Variants in MLLT6 observed in about 807,000 individuals in gnomAD.
MLLT6 encodes the protein protein AF-17.
MLLT6 carries 22 observed loss-of-function variants against 103.0 expected under a neutral mutation model. That is an observed-to-expected ratio of 0.21 (90% confidence interval 0.15 to 0.31). The LOEUF (loss-of-function observed/expected upper bound fraction) is 0.31, where lower values mean the gene tolerates loss of function less well. Ranked by LOEUF, MLLT6 falls within the 10% of genes least tolerant of loss-of-function variation. The probability of loss-of-function intolerance (pLI) is 1.00; values close to 1 mark genes in which losing one functional copy is unlikely to be tolerated. For missense variants in MLLT6, 1,199 were observed against 1,441.7 expected, an observed-to-expected ratio of 0.83 and a Z score of 2.73; for synonymous variants, 606 against 623.5, an observed-to-expected ratio of 0.97 and a Z score of 0.42.
Position 38,726,999 on chromosome 17 carries a change from G to A in MLLT6, c.*1401G>A, listed in dbSNP as rs1906068992. On this transcript the variant is annotated 3_prime_UTR_variant, in exon 20 of 20. Transcript: ENST00000621332. ...AGAGGCGAGAGGCAAGGCGAAGCCTGTGTCCCTGTTTCAGTTGCACTGGGG... is the reference window on the plus strand; with the variant it reads ...AGAGGCGAGAGGCAAGGCGAAGCCTATGTCCCTGTTTCAGTTGCACTGGGG... 1 of 233,688 alleles carries A rather than the reference G, an allele frequency of 4.3e-6. No individual in the cohort carries two copies. The highest frequency in any genetic ancestry group is 8.5e-6 in the Non-Finnish European group (1 of 118,092). The allele number at this position is 233,688 out of a possible 1,614,324, so 14.5% of individuals were successfully genotyped here. A position where few individuals can be genotyped will look rare whatever the true frequency, so the allele number is the denominator to read the frequency against.
chr17:38,715,715 T>A lies in MLLT6; in HGVS notation c.923T>A (p.Leu308Gln), dbSNP rs1905308434. Residue 308 changes from leucine to glutamine, a missense_variant, in exon 9 of 20, where the codon CTG becomes CAG. Coordinates refer to ENST00000621332, the MANE Select transcript of MLLT6 (RefSeq NM_005937.4). ...GGGAAAAAGTCTTCCAGCCATAGCC[T>A]GAGTCATAAAGGGAAGAAACTGAGC... is the stretch of plus-strand genomic sequence containing the variant. Reference protein sequence around the residue: ...SKGKKSSSHSLSHKGKKLSSG... With the variant: ...SKGKKSSSHSQSHKGKKLSSG... 1 of 1,614,062 alleles carries A rather than the reference T, an allele frequency of 6.2e-7. No homozygotes were observed. The highest frequency in any genetic ancestry group is 1.3e-5 in the African/African-American group (1 of 74,920).
In MLLT6 at chr17:38,716,956, C is replaced by T; in HGVS notation, c.1626C>T (p.Ser542=). 6.2e-7 allele frequency: 1 copy of T among 1,613,640 alleles called. No homozygotes were observed. The highest frequency in any genetic ancestry group is 8.5e-7 in the Non-Finnish European group (1 of 1,179,964). Reference sequence around the variant, plus strand: ...CTTCTGGGAGCTTGCCCAGCTTGAGCCTGGAGTCCCCCTTACTAGGGGCAG... The same window carrying T: ...CTTCTGGGAGCTTGCCCAGCTTGAGTCTGGAGTCCCCCTTACTAGGGGCAG... ...FGPSGSLPSL[S]LESPLLGAGI... Residue 542 remains serine (S), a synonymous_variant, in exon 10 of 20, where the codon AGC becomes AGT. Transcript: ENST00000621332. The surrounding 1 kb of genome is among the most constrained non-coding windows in gnomAD (Gnocchi z 5.6).
chr17:38,707,367 A>T, intron 2 of MLLT6, 119 bp from the exon 3 acceptor site: 1 of 869,920 alleles, frequency 1.1e-6, no homozygotes, highest in Non-Finnish European at 1.8e-6. Context: ...TCCTGTTTCC[A>T]CTGTAGCCCC....
intron 12 of MLLT6, chr17:38,719,213 T>G (rs1488525548): frequency 2.1e-6 from 1 of 465,280 alleles, no homozygotes; most frequent in African/African-American, 2.0e-5. Context: ...AGGTCTGTCT[T>G]GACCTCAAAT....
rs1258031013 is a variant in MLLT6, at chr17:38,726,520, A to C, written c.*922A>C. ...CCCAGCTCTTATTTGCACCCTCCCC[A>C]CCTCACCAACTTTGGTCCCTCTCTG... On this transcript the variant is annotated 3_prime_UTR_variant, in exon 20 of 20. Coordinates refer to ENST00000621332, the MANE Select transcript of MLLT6 (RefSeq NM_005937.4). The C allele has an allele frequency of 1.3e-5, 3 of 233,454 alleles. No individual in the cohort carries two copies. Among genetic ancestry groups the C allele is most frequent in the Non-Finnish European group, 2.5e-5 (3 of 118,028 alleles). 14.5% of individuals were successfully genotyped at this position (233,454 alleles called of 1,614,324 possible).
chr17:38,720,990 C>T (rs1905701693), intron 16 of MLLT6: 2 of 577,536 alleles, frequency 3.5e-6, no homozygotes, highest in Non-Finnish European at 6.2e-6. Flanking sequence ...CTACCCCAAG[C>T]AAAGAAGGAG....
At chr17:38,714,988 T>C (rs188947233) in intron 8 of MLLT6, among the ~76,000 whole-genome samples, 49 of 152,286 alleles carry the variant, frequency 3.2e-4, no homozygotes, top group African/African-American at 1.1e-3. Flanking sequence ...CTGAGGTATT[T>C]AGGGAGGCTT....
Position 38,717,825 on chromosome 17 carries a change from A to G in MLLT6, c.1834-20A>G. 2.5e-5 allele frequency: 36 copies of G among 1,448,134 alleles called. No homozygotes were observed. Among genetic ancestry groups the G allele is most frequent in the Non-Finnish European group, 3.4e-5 (35 of 1,029,774 alleles). The allele number at this position is 1,448,134 out of a possible 1,614,324, so 89.7% of individuals were successfully genotyped here. A position where few individuals can be genotyped will look rare whatever the true frequency, so the allele number is the denominator to read the frequency against. On this transcript the variant is annotated intron_variant, in intron 11 of 19. Coordinates refer to ENST00000621332, the MANE Select transcript of MLLT6 (RefSeq NM_005937.4). ...TAGATCCAAGAATAACCGCCAGGGG[A>G]TTCTACCTCCCTCCCTTAGGTGTTT...
intron 16 of MLLT6, 118 bp from the exon 17 acceptor site, chr17:38,721,760 G>T (rs951044874): frequency 2.4e-5 from 15 of 620,934 alleles, no homozygotes; most frequent in African/African-American, 9.8e-5. Context: ...CTTCTTCCAG[G>T]GTGCCTGGGG....
rs938732404 is a variant in MLLT6 at position 38,729,207 on chromosome 17, A to G, written c.*3609A>G. 1 of 232,988 alleles carries G rather than the reference A, an allele frequency of 4.3e-6. No homozygotes were observed. The highest frequency in any genetic ancestry group is 2.2e-5 in the African/African-American group (1 of 45,300). 14.4% of individuals were successfully genotyped at this position (232,988 alleles called of 1,614,324 possible). On this transcript the variant is annotated 3_prime_UTR_variant, in exon 20 of 20. Coordinates refer to ENST00000621332, the MANE Select transcript of MLLT6 (RefSeq NM_005937.4). The stretch of plus-strand genomic sequence containing the variant: ...CTTCTAGGATCTTCCTTGGTGTGCA[A>G]TGGGCCAGTTAGGGGTAGGCAGCTT...
Position 38,707,694 on chromosome 17 carries a change from C to T in MLLT6, c.245-69C>T, listed in dbSNP as rs964335391. 4.1e-4 allele frequency: 498 copies of T among 1,221,214 alleles called. 2 individuals carry two copies. Among genetic ancestry groups the T allele is most frequent in the Non-Finnish European group, 2.0e-4 (168 of 831,020 alleles). 75.6% of individuals were successfully genotyped at this position (1,221,214 alleles called of 1,614,324 possible). A position where few individuals can be genotyped will look rare whatever the true frequency, so the allele number is the denominator to read the frequency against. On this transcript the variant is annotated intron_variant, in intron 3 of 19. Transcript: ENST00000621332. ...CTGTGGAGGAGGGAACAGTCTGCAG[C>T]GTGGGGTCATAAGGGGTGGAGTCTC... is the stretch of plus-strand genomic sequence containing the variant.
In MLLT6 at chr17:38,715,577, C is replaced by A. The variant is rs766725215; in HGVS notation, c.820-35C>A. ...ATCAGGATCAGCACAGGCCCAGGCA[C>A]CTGGTGTTGAACCTTCCTCTCTCCT... is the stretch of plus-strand genomic sequence containing the variant. On this transcript the variant is annotated intron_variant, in intron 8 of 19. Coordinates refer to ENST00000621332, the MANE Select transcript of MLLT6 (RefSeq NM_005937.4). The A allele has an allele frequency of 1.9e-6, 3 of 1,581,340 alleles. No homozygotes were observed. The Admixed American group carries it at 5.2e-5, about 27-fold the overall frequency.
chr17:38,712,825 G>A, intron 8 of MLLT6, 36 bp downstream of exon 8: 1 of 1,511,962 alleles, frequency 6.6e-7, no homozygotes, highest in Non-Finnish European at 9.2e-7. Context: ...ATGGTGTGTG[G>A]GTCTGGGGTG....
Position 38,728,670 on chromosome 17 carries a change from T to G in MLLT6, c.*3072T>G. On this transcript the variant is annotated 3_prime_UTR_variant, in exon 20 of 20. Transcript: ENST00000621332. The stretch of plus-strand genomic sequence containing the variant: ...TGACAGCTCCAAGCCTAGAAGGGGC[T>G]CAGTGACAGGGCCAGGACAAGCCCT... 4.3e-6 allele frequency: 1 copy of G among 233,894 alleles called. No homozygotes were observed. Among genetic ancestry groups the G allele is most frequent in the Non-Finnish European group, 8.5e-6 (1 of 118,182 alleles). The allele number at this position is 233,894 out of a possible 1,614,324, so 14.5% of individuals were successfully genotyped here.
chr17:38,710,809 A>C (rs1395253222), intron 6 of MLLT6, among the ~76,000 whole-genome samples: 7 of 152,152 alleles, frequency 4.6e-5, no homozygotes, highest in Non-Finnish European at 1.0e-4. Flanking sequence ...GAAAGTGTCC[A>C]GGTTTGGATC....
rs1370487354 is a variant in MLLT6 at position 38,725,654 on chromosome 17, G to A, written c.*56G>A. 4.8e-6 allele frequency: 7 copies of A among 1,458,464 alleles called. No homozygotes were observed. Among genetic ancestry groups the A allele is most frequent in the Non-Finnish European group, 6.5e-6 (7 of 1,071,728 alleles). The allele number at this position is 1,458,464 out of a possible 1,614,324, so 90.3% of individuals were successfully genotyped here. On this transcript the variant is annotated 3_prime_UTR_variant, in exon 20 of 20. Coordinates refer to ENST00000621332, the MANE Select transcript of MLLT6 (RefSeq NM_005937.4). ...GTGGAGGGAACAGATCCTGGCCTGA[G>A]GGGTCCTAGCCTGGAGCAGGCGCCT...
Position 38,727,108 on chromosome 17 carries a change from T to A in MLLT6, c.*1510T>A, listed in dbSNP as rs1906076766. ...GCATGTGTGGATTTTTCTGTGTGTG[T>A]TTCTGTTTGGGTTTTTGTTGTTGGG... On this transcript the variant is annotated 3_prime_UTR_variant, in exon 20 of 20. Transcript: ENST00000621332. 1 of 233,110 alleles carries A rather than the reference T, an allele frequency of 4.3e-6. No individual in the cohort carries two copies. Among genetic ancestry groups the A allele is most frequent in the Admixed American group, 5.6e-5 (1 of 17,758 alleles). The allele number at this position is 233,110 out of a possible 1,614,324, so 14.4% of individuals were successfully genotyped here. A position where few individuals can be genotyped will look rare whatever the true frequency, so the allele number is the denominator to read the frequency against.
chr17:38,709,437 TG>T lies in MLLT6; in HGVS notation c.459-44del. 1 of 1,550,790 alleles carries T rather than the reference TG, an allele frequency of 6.4e-7. No individual in the cohort carries two copies. The highest frequency in any genetic ancestry group is 8.9e-7 in the Non-Finnish European group (1 of 1,122,356). ...AGGAGGGTGAGAGGAAGGTGGCTCA[TG>T]TGATCTGTGGCCTCAGCCGTCTCAG... On this transcript the variant is annotated intron_variant, in intron 5 of 19. Transcript: ENST00000621332. The surrounding 1 kb of genome is among the most constrained non-coding windows in gnomAD (Gnocchi z 4.3).
At position 38,726,282 on chromosome 17, in the gene MLLT6, C is replaced by T. The variant is rs536362802; in HGVS notation, c.*684C>T. On this transcript the variant is annotated 3_prime_UTR_variant, in exon 20 of 20. Transcript: ENST00000621332. ...GAGGCTCTGGCCTTCCTTGGTGCCC[C>T]GCCCTTTGTTTGCACTATTGGACTT... 14 of 234,074 alleles carry T rather than the reference C, an allele frequency of 6.0e-5. No individual in the cohort carries two copies. Among genetic ancestry groups the T allele is most frequent in the Non-Finnish European group, 9.3e-5 (11 of 118,398 alleles). 14.5% of individuals were successfully genotyped at this position (234,074 alleles called of 1,614,324 possible).
Sources: gnomAD v4.1 joint callset for allele counts (sites outside exome capture counted in the v4.1 genomes callset) on GRCh38, gnomAD v4.1.1 for gene constraint, Gnocchi (gnomAD v3.1) non-coding constraint, MANE v1.5 for transcripts, NCBI Gene and HGNC (gene_info 2026-07-23, HGNC 2026-07-21) for gene names.